GAREM1: variants seen among roughly 807,000 people sequenced by gnomAD.
GAREM1 encodes GRB2-associated and regulator of MAPK protein 1.
In GAREM1, 26 loss-of-function variants were observed where a neutral mutation model predicts 71.3. The observed-to-expected ratio is 0.36, with a 90% CI of 0.27 to 0.51. The LOEUF (loss-of-function observed/expected upper bound fraction) is 0.51. GAREM1 is among the 20% of genes least tolerant of loss of function. The pLI, the probability that GAREM1 is intolerant of heterozygous loss-of-function variation, is 0.95. For missense variants in GAREM1, 1,026 were observed against 1,103.1 expected (o/e 0.93, Z 0.99); for synonymous variants, 440 against 433.2 (o/e 1.02, Z -0.20).
chr18:32,403,170 A>AG (rs1285957736), intron 1 of GAREM1, among the ~76,000 whole-genome samples: 2 of 152,142 alleles, frequency 1.3e-5, no homozygotes, highest in Non-Finnish European at 2.9e-5. Context: ...GGCCTCCCAA[A>AG]GCGCTGGGAT....
chr18:32,324,717 A>AT (rs2047459453), intron 2 of GAREM1, among the ~76,000 whole-genome samples: 1 of 152,236 alleles, frequency 6.6e-6, no homozygotes, highest in African/African-American at 2.4e-5. Context: ...TCTGCATTGC[A>AT]TTTTGTCAAG....
chr18:32,312,616 G>T (rs995508144), intron 2 of GAREM1, among the ~76,000 whole-genome samples: 2 of 152,180 alleles, frequency 1.3e-5, no homozygotes, highest in Non-Finnish European at 2.9e-5. Flanking sequence ...AGAGAAGAGA[G>T]ATGGAACAGA....
intron 3 of GAREM1, among the ~76,000 whole-genome samples, chr18:32,302,874 CCTT>C (rs1194611134): frequency 6.6e-6 from 1 of 152,204 alleles, no homozygotes; most frequent in Non-Finnish European, 1.5e-5. Flanking sequence ...CCGCTGAAAT[CCTT>C]CTCCCCACAT....
chr18:32,365,159 G>C (rs1297140599), intron 2 of GAREM1, among the ~76,000 whole-genome samples: 2 of 151,940 alleles, frequency 1.3e-5, no homozygotes, highest in African/African-American at 2.4e-5. Context: ...TTTACTCCTA[G>C]GCTTCACAAA....
At chr18:32,272,883 G>A (rs540747123) in intron 4 of GAREM1, among the ~76,000 whole-genome samples, 12 of 152,322 alleles carry the variant, frequency 7.9e-5, no homozygotes, top group African/African-American at 2.2e-4. Context: ...TTAGCCAGGC[G>A]GGTCTTCTTA....
chr18:32,457,196 GT>G (rs2048898347), intron 1 of GAREM1, among the ~76,000 whole-genome samples: 1 of 118,750 alleles, frequency 8.4e-6, no homozygotes, highest in Admixed American at 8.4e-5. Context: ...GAGATTGTGT[GT>G]GTAGGGGGGG....
In GAREM1 at chr18:32,268,532, G is replaced by T. The variant is rs755641192; in HGVS notation, c.1970C>A (p.Thr657Lys). 1.2e-6 allele frequency: 2 copies of T among 1,614,124 alleles called. No individual in the cohort carries two copies. The highest frequency in any genetic ancestry group is 1.3e-5 in the African/African-American group (1 of 75,022). Reference protein sequence around the residue: ...SRSYSYPRQKTPGTPKRNCPA... With the variant: ...SRSYSYPRQKKPGTPKRNCPA... ...GCAGTTTCTCTTTGGTGTGCCTGGC[G>T]TCTTTTGTCTAGGGTAACTATAACT... Residue 657 changes from threonine to lysine, a missense_variant, in exon 6 of 6, where the codon ACG becomes AAG. Physicochemically the swap from Thr to Lys is moderately conservative, Grantham distance 78 (BLOSUM62 -1). This residue lies in a region of GAREM1 where 636 missense variants were observed against 631.2 expected (regional missense o/e 1.01). Transcript: ENST00000269209.
At chr18:32,452,481 T>C (rs2048849727) in intron 1 of GAREM1, among the ~76,000 whole-genome samples, 1 of 152,182 alleles carries the variant, frequency 6.6e-6, no homozygotes. Flanking sequence ...TTCTACTCAT[T>C]GAACAACTAG....
At chr18:32,276,730 TAGA>T (rs1254697023) in intron 4 of GAREM1, among the ~76,000 whole-genome samples, 1 of 152,166 alleles carries the variant, frequency 6.6e-6, no homozygotes, top group Admixed American at 6.5e-5. Context: ...GATAGAAATT[TAGA>T]AGAACAGGGC....
chr18:32,308,532 T>G lies in GAREM1; in HGVS notation c.393+1661A>C, dbSNP rs1242296636. Among the ~76,000 whole-genome samples, 3 of 149,900 alleles carry G rather than the reference T, an allele frequency of 2.0e-5. 1 individual carries two copies. On this transcript the variant is annotated intron_variant, in intron 3 of 5. Transcript: ENST00000269209. Reference sequence around the variant, plus strand: ...TACTAACTTTCTAAAAAAAACTTATTTTTTTTTCATTTAGAGAATTCTAAA... The same window carrying G: ...TACTAACTTTCTAAAAAAAACTTATGTTTTTTTCATTTAGAGAATTCTAAA...
At position 32,347,464 on chromosome 18, in the gene GAREM1, C is replaced by T. The variant is rs117931069; in HGVS notation, c.263-37141G>A. On this transcript the variant is annotated intron_variant, in intron 2 of 5. Coordinates refer to ENST00000269209, the MANE Select transcript of GAREM1 (RefSeq NM_001242409.2). ...GGTTGAGGGAGGACCCTCTAATACTCTAGTTGGCTGCTTGGGAACAAAGGA... is the reference window on the plus strand; with the variant it reads ...GGTTGAGGGAGGACCCTCTAATACTTTAGTTGGCTGCTTGGGAACAAAGGA... Among the ~76,000 whole-genome samples, 1,307 of 152,292 alleles carry T rather than the reference C, an allele frequency of 8.6e-3. 13 individuals are homozygous for T. Among genetic ancestry groups the T allele is most frequent in the South Asian group, 0.018 (85 of 4,822 alleles).
At chr18:32,463,434 T>C (rs991729439) in intron 1 of GAREM1, among the ~76,000 whole-genome samples, 4 of 152,138 alleles carry the variant, frequency 2.6e-5, no homozygotes, top group Admixed American at 2.6e-4. Context: ...CACTGTCCAC[T>C]GCCTGCTACA....
chr18:32,388,905 T>C (rs1362628705), intron 2 of GAREM1, among the ~76,000 whole-genome samples: 1 of 152,170 alleles, frequency 6.6e-6, no homozygotes. Context: ...GTATTAAATG[T>C]ACTGAATTTG....
At chr18:32,405,272 C>T (rs1172343170) in intron 1 of GAREM1, among the ~76,000 whole-genome samples, 3 of 152,052 alleles carry the variant, frequency 2.0e-5, no homozygotes, top group Non-Finnish European at 4.4e-5. Flanking sequence ...GATCTTGGCT[C>T]ATTGCAACCT....
At chr18:32,402,630 C>G (rs367842862) in intron 1 of GAREM1, among the ~76,000 whole-genome samples, 1 of 152,104 alleles carries the variant, frequency 6.6e-6, no homozygotes, top group Non-Finnish European at 1.5e-5. Flanking sequence ...CCTGTTCCCC[C>G]TGTCTCCTCT....
In GAREM1 at chr18:32,267,553, A is replaced by G. The variant is rs2041390859; in HGVS notation, c.*318T>C. The G allele has an allele frequency of 5.0e-6, 1 of 198,646 alleles. No individual in the cohort carries two copies. The highest frequency in any genetic ancestry group is 1.9e-4 in the South Asian group (1 of 5,252). 12.3% of individuals were successfully genotyped at this position (198,646 alleles called of 1,614,324 possible). On this transcript the variant is annotated 3_prime_UTR_variant, in exon 6 of 6. Coordinates refer to ENST00000269209, the MANE Select transcript of GAREM1 (RefSeq NM_001242409.2). ...GTCTTCCAGCTTTGGCTATTTTGTA[A>G]TAAATATCATACCTTCTCACATAAA...
chr18:32,311,434 G>C (rs2047321705), intron 2 of GAREM1, among the ~76,000 whole-genome samples: 1 of 152,192 alleles, frequency 6.6e-6, no homozygotes, highest in Non-Finnish European at 1.5e-5. Flanking sequence ...ACAAATCTCT[G>C]TTCTTCCAAA....
intron 2 of GAREM1, among the ~76,000 whole-genome samples, chr18:32,312,160 G>C (rs559810385): frequency 1.3e-5 from 2 of 152,340 alleles, no homozygotes; most frequent in East Asian, 3.9e-4. Flanking sequence ...CCGAAGTGTG[G>C]AGGTCAGGAG....
rs563476274 is a variant in GAREM1 at position 32,386,364 on chromosome 18, A to T, written c.262+6531T>A. ...CTGCACATCCTACACTTTTAAAAAC[A>T]GGCACTGCTGATATAAATCCAGGTG... On this transcript the variant is annotated intron_variant, in intron 2 of 5. Coordinates refer to ENST00000269209, the MANE Select transcript of GAREM1 (RefSeq NM_001242409.2). Among the ~76,000 whole-genome samples, 4 of 152,334 alleles carry T rather than the reference A, an allele frequency of 2.6e-5. No homozygotes were observed. In the East Asian group the frequency reaches 7.7e-4, roughly 29 times the overall value.
Sources: allele counts gnomAD v4.1 joint callset (sites outside exome capture counted in the v4.1 genomes callset), GRCh38; gene constraint gnomAD v4.1.1; regional missense constraint gnomAD v4.1.1; transcripts MANE v1.5; gene names NCBI Gene and HGNC (gene_info 2026-07-23, HGNC 2026-07-21).